RGPD3: variants seen among roughly 807,000 people sequenced by gnomAD.
RGPD3 encodes the protein RANBP2 like and GRIP domain containing 3.
RGPD3 carries 62 observed loss-of-function variants against 154.5 expected under a neutral mutation model. The observed-to-expected ratio is 0.40, with a 90% confidence interval of 0.33 to 0.50. RGPD3 has a LOEUF of 0.50. Among genes scored for constraint, RGPD3 ranks in the 20% least tolerant of loss-of-function variants. The probability of loss-of-function intolerance (pLI) is 0.59; values close to 1 mark genes in which losing one functional copy is unlikely to be tolerated. For missense variants in RGPD3, 919 were observed against 1,716.8 expected (o/e 0.54, Z 8.21); for synonymous variants, 308 against 607.0 (o/e 0.51, Z 7.24).
At position 106,424,460 on chromosome 2, in the gene RGPD3, C is replaced by T. The variant is rs767804965; in HGVS notation, c.3507G>A (p.Arg1169=). 6.8e-6 allele frequency: 11 copies of T among 1,607,648 alleles called. No homozygotes were observed. Among genetic ancestry groups the T allele is most frequent in the Admixed American group, 1.7e-5 (1 of 59,844 alleles). The part of the protein sequence containing the change: ...EFKQKFEECQ[R]LLLDIPLQTP... ...TTTGAAGTGGTATGTCTAACAGAAG[C>T]CGCTGGCATTCCTCAAATTTCTGCT... The change falls in exon 20 of 23, where the codon CGG becomes CGA. Residue 1169 remains arginine (R), a synonymous_variant. Coordinates refer to ENST00000409886, the MANE Select transcript of RGPD3 (RefSeq NM_001144013.2).
intron 20 of RGPD3, among the ~76,000 whole-genome samples, chr2:106,421,591 T>C (rs1676989063): frequency 6.6e-6 from 1 of 151,798 alleles, no homozygotes; most frequent in Non-Finnish European, 1.5e-5. Context: ...TCCACTCTAG[T>C]AGCCACACTT....
Position 106,459,345 on chromosome 2 carries a change from A to G in RGPD3, c.73-13T>C. On this transcript the variant is annotated splice_polypyrimidine_tract_variant and intron_variant, in intron 1 of 22. Coordinates refer to ENST00000409886, the MANE Select transcript of RGPD3 (RefSeq NM_001144013.2). The stretch of plus-strand genomic sequence containing the variant: ...CTCTCGTTGACTTCTAAAAAAAATT[A>G]AAAGTTGTTTTACGTTTCATACAGA... The G allele has an allele frequency of 6.5e-7, 1 of 1,542,558 alleles. No homozygotes were observed. The highest frequency in any genetic ancestry group is 1.2e-5 in the South Asian group (1 of 85,744).
chr2:106,462,587 A>G (rs1392049633), intron 1 of RGPD3, among the ~76,000 whole-genome samples: 6 of 152,170 alleles, frequency 3.9e-5, no homozygotes, highest in African/African-American at 1.4e-4. Context: ...AAGAGATGCC[A>G]CATCATCGCT....
chr2:106,427,350 A>C (rs1677233112), intron 18 of RGPD3, among the ~76,000 whole-genome samples: 1 of 151,638 alleles, frequency 6.6e-6, no homozygotes, highest in Non-Finnish European at 1.5e-5. Context: ...GGATCTCTCA[A>C]GGAACACAAA....
chr2:106,428,417 G>T (rs1453896100), intron 18 of RGPD3, among the ~76,000 whole-genome samples: 1 of 106,284 alleles, frequency 9.4e-6, no homozygotes, highest in Non-Finnish European at 1.9e-5. Context: ...CCCCAGGAAA[G>T]GCTAGCCGGT....
intron 6 of RGPD3, among the ~76,000 whole-genome samples, chr2:106,451,638 C>T (rs958004450): frequency 6.6e-6 from 1 of 151,036 alleles, no homozygotes; most frequent in African/African-American, 2.5e-5. Context: ...CTGCTCTAAA[C>T]TAACATCTTT....
intron 1 of RGPD3, among the ~76,000 whole-genome samples, chr2:106,462,160 C>T (rs62152536): frequency 0.16 from 23,731 of 152,072 alleles, 2,137 homozygotes; most frequent in South Asian, 0.19. Context: ...GGATTACAGG[C>T]GTCAGCCACG....
At position 106,433,148 on chromosome 2, in the gene RGPD3, T is replaced by C. The variant is rs200768799; in HGVS notation, c.2343A>G (p.Pro781=). Residue 781 remains proline, a synonymous_variant, in exon 16 of 23, where the codon CCA becomes CCG. Transcript: ENST00000409886. ...GTGATAGTGAATATTTGGTAGGAGA[T>C]GGTGTAGAATGTTTTATTTCTGAAT... ...NADSEIKHST[P]SPTKYSLSPS... 0.099 allele frequency: 157,587 copies of C among 1,589,586 alleles called. 5,480 individuals carry two copies. The highest frequency in any genetic ancestry group is 0.5 in the East Asian group (22,060 of 43,790).
rs1238961087 is a variant in RGPD3, at chr2:106,413,079, C to T, written c.5266+5G>A. ...CAGAAGTTCTGAGACTCTCCTTTTA[C>T]CCACCTTGAGCAACCGCAGCAAGTT... is the stretch of plus-strand genomic sequence containing the variant. On this transcript the variant is annotated splice_donor_5th_base_variant and intron_variant, in intron 22 of 22. Transcript: ENST00000409886. 3.7e-6 allele frequency: 6 copies of T among 1,610,270 alleles called. No homozygotes were observed. Among genetic ancestry groups the T allele is most frequent in the Admixed American group, 1.7e-5 (1 of 59,804 alleles).
In RGPD3 at chr2:106,424,628, C is replaced by G. The variant is rs549192084; in HGVS notation, c.3339G>C (p.Trp1113Cys). Residue 1113 changes from tryptophan (W) to cysteine (C), a missense_variant, in exon 20 of 23, where the codon TGG (tryptophan) becomes TGC (cysteine). Coordinates refer to ENST00000409886, the MANE Select transcript of RGPD3 (RefSeq NM_001144013.2). ...GCTTCAGGTTCATTGTAGTCGTTAT[C>G]CAATGATTAGCACACACTTTTAGTA... is the stretch of plus-strand genomic sequence containing the variant. ...EQVLKVCANH[W>C]ITTTMNLKPL... is the part of the protein sequence containing the mutation. 4 of 1,611,892 alleles carry G rather than the reference C, an allele frequency of 2.5e-6. No homozygotes were observed. The highest frequency in any genetic ancestry group is 1.1e-5 in the South Asian group (1 of 90,986).
chr2:106,454,711 A>G (rs1573295097), intron 4 of RGPD3, among the ~76,000 whole-genome samples: 2 of 152,230 alleles, frequency 1.3e-5, no homozygotes, highest in South Asian at 2.1e-4. Context: ...ATCTCCTGCC[A>G]TTACATATGT....
chr2:106,437,477 G>T (rs572122731), intron 9 of RGPD3, among the ~76,000 whole-genome samples: 1 of 151,768 alleles, frequency 6.6e-6, no homozygotes, highest in African/African-American at 2.4e-5. Context: ...GCGCCACTGC[G>T]CTCCAGCCTG....
intron 1 of RGPD3, among the ~76,000 whole-genome samples, chr2:106,460,082 G>A (rs1209004669): frequency 6.5e-5 from 3 of 46,372 alleles, no homozygotes; most frequent in East Asian, 1.3e-3. Flanking sequence ...TGACACTGCC[G>A]TGAGTTATGA....
chr2:106,441,963 T>A (rs1219911724), intron 7 of RGPD3, among the ~76,000 whole-genome samples: 1 of 137,774 alleles, frequency 7.3e-6, no homozygotes, highest in East Asian at 2.2e-4. Flanking sequence ...GGGGGATCAC[T>A]TGAGCCCAGA....
At position 106,467,793 on chromosome 2, in the gene RGPD3, C is replaced by T. The variant is rs1181438301; in HGVS notation, c.72+424G>A. Among the ~76,000 whole-genome samples the T allele has an allele frequency of 2.4e-4, 32 of 135,944 alleles. No individual in the cohort carries two copies. In the East Asian group the frequency reaches 4.2e-3, roughly 18 times the overall value. The allele number at this position is 135,944 out of a possible 152,430, so 89.2% of individuals were successfully genotyped here. A position where few individuals can be genotyped will look rare whatever the true frequency, so the allele number is the denominator to read the frequency against. ...ACGCCTGAGCCATCAAGGCAGCCGC[C>T]GGGCCAGGTCGAGGCCGCGGCCTCA... On this transcript the variant is annotated intron_variant, in intron 1 of 22. Transcript: ENST00000409886.
intron 1 of RGPD3, among the ~76,000 whole-genome samples, chr2:106,467,722 C>G (rs1401480216): frequency 2.2e-5 from 3 of 138,732 alleles, no homozygotes; most frequent in South Asian, 2.3e-4. Flanking sequence ...TCGAGGCCGC[C>G]GCCTCAACAG....
At chr2:106,413,696 C>A (rs527397592) in intron 21 of RGPD3, among the ~76,000 whole-genome samples, 1 of 151,992 alleles carries the variant, frequency 6.6e-6, no homozygotes, top group Non-Finnish European at 1.5e-5. Context: ...GAAATTCTCA[C>A]GAGAAACAGA....
intron 20 of RGPD3, among the ~76,000 whole-genome samples, chr2:106,420,304 C>G (rs539378857): frequency 5.5e-4 from 82 of 149,834 alleles, no homozygotes; most frequent in African/African-American, 2.0e-3. Flanking sequence ...TGGCTGAAAA[C>G]AACCCATCCC....
At chr2:106,409,792 G>A (rs1676613945) in intron 22 of RGPD3, among the ~76,000 whole-genome samples, 1 of 147,936 alleles carries the variant, frequency 6.8e-6, no homozygotes, top group Non-Finnish European at 1.5e-5. Context: ...AAACATGTTT[G>A]ATGTCTTTTC....
Sources: allele counts gnomAD v4.1 joint callset (sites outside exome capture counted in the v4.1 genomes callset), GRCh38; gene constraint gnomAD v4.1.1; transcripts MANE v1.5; gene names NCBI Gene and HGNC (gene_info 2026-07-23, HGNC 2026-07-21).